TMEM135: variants seen among roughly 807,000 people sequenced by gnomAD.
TMEM135 encodes the protein peroxisomal membrane protein 52.
In TMEM135, 30 loss-of-function variants were observed where a neutral mutation model predicts 60.3. The observed-to-expected ratio is 0.50, with a 90% CI of 0.37 to 0.68. TMEM135 has a LOEUF of 0.68. TMEM135 is among the 30% of genes least tolerant of loss of function. The pLI is 0.00. For synonymous variants in TMEM135, 190 were observed against 186.7 expected, an observed-to-expected ratio of 1.02 and a Z score of -0.14; for missense variants, 468 against 548.8, an observed-to-expected ratio of 0.85 and a Z score of 1.47.
chr11:87,212,960 G>A (rs1281919237), intron 5 of TMEM135, among the ~76,000 whole-genome samples: 2 of 151,738 alleles, frequency 1.3e-5, no homozygotes, highest in Admixed American at 6.6e-5. Flanking sequence ...GAAATGATTG[G>A]TTTTCTTAGT....
intron 4 of TMEM135, among the ~76,000 whole-genome samples, chr11:87,148,024 G>A (rs533931): frequency 0.12 from 17,840 of 152,206 alleles, 1,899 homozygotes; most frequent in East Asian, 0.51. Flanking sequence ...CCAAAGTGCT[G>A]GGATTACAGG....
chr11:87,253,614 T>A (rs2135393906), intron 6 of TMEM135, among the ~76,000 whole-genome samples: 1 of 37,418 alleles, frequency 2.7e-5, no homozygotes, highest in African/African-American at 1.1e-4. Context: ...GATTGTTGTT[T>A]GAACTTAAAG....
At chr11:87,234,035 G>A (rs934479620) in intron 5 of TMEM135, among the ~76,000 whole-genome samples, 7 of 152,022 alleles carry the variant, frequency 4.6e-5, no homozygotes, top group African/African-American at 1.7e-4. Flanking sequence ...GTTGTTTTTA[G>A]CATCTTTAAC....
At chr11:87,120,009 C>G (rs989502618) in intron 4 of TMEM135, among the ~76,000 whole-genome samples, 1 of 151,448 alleles carries the variant, frequency 6.6e-6, no homozygotes, top group African/African-American at 2.4e-5. Context: ...TTTGAAAATG[C>G]TGAATGAATT....
intron 4 of TMEM135, chr11:87,096,274 C>G (rs1237849395): frequency 7.4e-6 from 2 of 271,834 alleles, no homozygotes; most frequent in East Asian, 2.0e-4. Flanking sequence ...TAAAAGCCAT[C>G]TTCTCTTGAA....
chr11:87,315,452 TTCTC>T (rs1177512595), intron 12 of TMEM135, among the ~76,000 whole-genome samples: 1 of 151,922 alleles, frequency 6.6e-6, no homozygotes, highest in Non-Finnish European at 1.5e-5. Context: ...AAATGTCTGG[TTCTC>T]TCTCTTTTTG....
At chr11:87,317,304 A>ACAT (rs1262261147) in intron 12 of TMEM135, among the ~76,000 whole-genome samples, 1 of 152,098 alleles carries the variant, frequency 6.6e-6, no homozygotes, top group African/African-American at 2.4e-5. Context: ...TAAATCTTCA[A>ACAT]CATGAATACA....
chr11:87,219,600 T>G (rs964854046), intron 5 of TMEM135, among the ~76,000 whole-genome samples: 1 of 152,138 alleles, frequency 6.6e-6, no homozygotes, highest in African/African-American at 2.4e-5. Flanking sequence ...TCTTACTGGA[T>G]TAGGGCCTAA....
intron 6 of TMEM135, among the ~76,000 whole-genome samples, chr11:87,281,953 G>C (rs889620768): frequency 6.6e-6 from 1 of 152,156 alleles, no homozygotes; most frequent in Non-Finnish European, 1.5e-5. Flanking sequence ...TTGTTAAAAG[G>C]CATTGACATT....
chr11:87,113,139 A>G (rs748493254), intron 4 of TMEM135, among the ~76,000 whole-genome samples: 1 of 152,126 alleles, frequency 6.6e-6, no homozygotes, highest in East Asian at 1.9e-4. Flanking sequence ...ATTAGCAAAT[A>G]GAAGATGAAA....
intron 1 of TMEM135, among the ~76,000 whole-genome samples, chr11:87,046,696 C>T (rs1363560419): frequency 6.6e-6 from 1 of 152,080 alleles, no homozygotes; most frequent in East Asian, 1.9e-4. Context: ...AAGTTGAGCC[C>T]ATGATTATGG....
Position 87,323,532 on chromosome 11 carries a change from A to T in TMEM135, c.*2199A>T. ...AAAATAGATCTCTGCATTCCAAAATATGTTTTTTAGTTTATTTATATCCTG... is the reference window on the plus strand; with the variant it reads ...AAAATAGATCTCTGCATTCCAAAATTTGTTTTTTAGTTTATTTATATCCTG... On this transcript the variant is annotated 3_prime_UTR_variant, in exon 15 of 15. Transcript: ENST00000305494. 4.4e-6 allele frequency: 2 copies of T among 453,216 alleles called. No individual in the cohort carries two copies. Among genetic ancestry groups the T allele is most frequent in the Middle Eastern group, 6.9e-4 (1 of 1,440 alleles). 28.1% of individuals were successfully genotyped at this position (453,216 alleles called of 1,614,324 possible).
chr11:87,138,351 A>G (rs571307192), intron 4 of TMEM135, among the ~76,000 whole-genome samples: 31 of 152,180 alleles, frequency 2.0e-4, no homozygotes, highest in Non-Finnish European at 3.7e-4. Context: ...TTGGCCTCCC[A>G]AAGCGCTGGG....
chr11:87,232,916 C>A (rs1181668332), intron 5 of TMEM135, among the ~76,000 whole-genome samples: 1 of 152,104 alleles, frequency 6.6e-6, no homozygotes, highest in East Asian at 1.9e-4. Flanking sequence ...TTTCAGAGGC[C>A]AAGGTGGGCA....
At chr11:87,157,445 T>G (rs750003673) in intron 5 of TMEM135, 39 bp downstream of exon 5, 2 of 1,565,168 alleles carry the variant, frequency 1.3e-6, no homozygotes, top group South Asian at 2.3e-5. Context: ...AGTTGTTAAT[T>G]TATAGTTTGC....
chr11:87,057,293 A>G (rs1200369310), intron 1 of TMEM135, among the ~76,000 whole-genome samples: 2 of 152,236 alleles, frequency 1.3e-5, no homozygotes, highest in Non-Finnish European at 2.9e-5. Flanking sequence ...GGTCATCGCT[A>G]AAGTTTGAAT....
chr11:87,298,887 A>T (rs958940119), intron 7 of TMEM135, among the ~76,000 whole-genome samples: 2 of 151,996 alleles, frequency 1.3e-5, no homozygotes, highest in African/African-American at 4.8e-5. Context: ...GCAGATTGAG[A>T]CCAGACTGAC....
chr11:87,178,577 C>T (rs1386602505), intron 5 of TMEM135: 1 of 442,488 alleles, frequency 2.3e-6, no homozygotes, highest in South Asian at 1.6e-5. Context: ...AGGGGTGCAC[C>T]ATTACACCTG....
At chr11:87,250,113 G>C (rs1316630816) in intron 6 of TMEM135, among the ~76,000 whole-genome samples, 1 of 151,968 alleles carries the variant, frequency 6.6e-6, no homozygotes, top group Non-Finnish European at 1.5e-5. Context: ...TAGTCTCTTA[G>C]GAGCATTTGC....
Sources: allele counts gnomAD v4.1 joint callset (sites outside exome capture counted in the v4.1 genomes callset), GRCh38; gene constraint gnomAD v4.1.1; transcripts MANE v1.5; gene names NCBI Gene and HGNC (gene_info 2026-07-23, HGNC 2026-07-21).